The following SLC38A4 variants were observed in gnomAD, a reference collection of about 807,000 sequenced individuals.
SLC38A4 encodes sodium-coupled neutral amino acid transporter 4.
SLC38A4 carries 20 observed loss-of-function variants against 63.1 expected under a neutral mutation model. The observed-to-expected ratio is 0.32, with a 90% CI of 0.22 to 0.46. SLC38A4 has a LOEUF of 0.46. Ranked by LOEUF, SLC38A4 falls within the 20% of genes least tolerant of loss-of-function variation. The probability of loss-of-function intolerance (pLI) is 1.00; values close to 1 mark genes in which losing one functional copy is unlikely to be tolerated. For synonymous variants in SLC38A4, 230 were observed against 225.5 expected (o/e 1.02, Z -0.18); for missense variants, 526 against 663.6 (o/e 0.79, Z 2.28).
intron 1 of SLC38A4, among the ~76,000 whole-genome samples, chr12:46,810,034 C>T (rs990473772): frequency 3.9e-5 from 6 of 151,974 alleles, no homozygotes; most frequent in African/African-American, 1.4e-4. Flanking sequence ...CAGCAAGAGA[C>T]ATTCTAATAA....
At chr12:46,822,318 A>G (rs555915618) in intron 1 of SLC38A4, among the ~76,000 whole-genome samples, 25 of 152,278 alleles carry the variant, frequency 1.6e-4, no homozygotes, top group African/African-American at 6.0e-4. Context: ...ACATATTTTT[A>G]TGAGACCTAA....
At chr12:46,769,450 G>T (rs528209614) in intron 14 of SLC38A4, 22 bp from the exon 15 acceptor site, 1 of 1,603,984 alleles carries the variant, frequency 6.2e-7, no homozygotes, top group East Asian at 2.2e-5. Context: ...AAGTTCAAAG[G>T]CAAGATCATT....
chr12:46,781,342 GA>G (rs1436194356), intron 7 of SLC38A4, among the ~76,000 whole-genome samples: 2 of 152,026 alleles, frequency 1.3e-5, no homozygotes, highest in Non-Finnish European at 2.9e-5. Flanking sequence ...TCTTTGCAAA[GA>G]CCTTGGCTAA....
At chr12:46,785,008 A>G (rs1938728784) in intron 6 of SLC38A4, 96 bp downstream of exon 6, 5 of 1,048,718 alleles carry the variant, frequency 4.8e-6, no homozygotes, top group Non-Finnish European at 4.4e-6. Context: ...GAAATGTGAA[A>G]CTGACTATAA....
chr12:46,795,696 CTTTGTTAATTG>C (rs922951309), intron 2 of SLC38A4, among the ~76,000 whole-genome samples: 6 of 152,130 alleles, frequency 3.9e-5, no homozygotes, highest in Non-Finnish European at 8.8e-5. Flanking sequence ...TGCCTTCAAA[CTTTGTTAATTG>C]TTTGAATTCT....
Position 46,769,303 on chromosome 12 carries a change from T to G in SLC38A4, c.1425A>C (p.Lys475Asn). The G allele has an allele frequency of 6.2e-7, 1 of 1,613,132 alleles. No individual in the cohort carries two copies. The highest frequency in any genetic ancestry group is 8.5e-7 in the Non-Finnish European group (1 of 1,179,364). ...ACTCACCTATGAATCCGAAGATGTA[T>G]TTTATAGTTGGCACAAGGATGACCA... ...NVLVILVPTIKYIFGFIGASS... is the reference protein window; with the variant it reads ...NVLVILVPTINYIFGFIGASS... The change falls in exon 15 of 17, where the codon AAA (lysine) becomes AAC (asparagine). Residue 475 changes from lysine to asparagine, a missense_variant. Lys to Asn is a moderately conservative substitution (Grantham distance 94, BLOSUM62 0). Transcript: ENST00000266579.
chr12:46,790,040 T>C lies in SLC38A4; in HGVS notation c.120-1422A>G, dbSNP rs141530023. Among the ~76,000 whole-genome samples the C allele has an allele frequency of 5.3e-3, 814 of 152,242 alleles. 7 individuals are homozygous for C. Among genetic ancestry groups the C allele is most frequent in the African/African-American group, 0.018 (757 of 41,542 alleles). ...TTGCAGTGAGCCGAGATTGCACCATTGCACTCCAGCATGGGCCACAAGAGT... is the reference window on the plus strand; with the variant it reads ...TTGCAGTGAGCCGAGATTGCACCATCGCACTCCAGCATGGGCCACAAGAGT... On this transcript the variant is annotated intron_variant, in intron 3 of 16. Coordinates refer to ENST00000266579, the MANE Select transcript of SLC38A4 (RefSeq NM_018018.5).
At chr12:46,807,471 C>A (rs920304703) in intron 1 of SLC38A4, among the ~76,000 whole-genome samples, 1 of 152,000 alleles carries the variant, frequency 6.6e-6, no homozygotes, top group East Asian at 1.9e-4. Context: ...AGCAGGACTG[C>A]AGAAAGAAAC....
At position 46,778,620 on chromosome 12, in the gene SLC38A4, G is replaced by A. The variant is rs369265177; in HGVS notation, c.874C>T (p.Arg292Cys). The A allele has an allele frequency of 4.5e-5, 73 of 1,612,952 alleles. No individual in the cohort carries two copies. Among genetic ancestry groups the A allele is most frequent in the Admixed American group, 8.4e-5 (5 of 59,844 alleles). Residue 292 changes from arginine to cysteine, a missense_variant, in exon 11 of 17, where the codon CGC becomes TGC. Arg to Cys is a radical substitution (Grantham distance 180, BLOSUM62 -3). Coordinates refer to ENST00000266579, the MANE Select transcript of SLC38A4 (RefSeq NM_018018.5). ...DVNFMMDYTH[R>C]NPAGLDENQA... ...TTCTCATCCAGCCCTGCAGGATTGC[G>A]GTGGGTGTAATCCATCATGAAGTTC... is the stretch of plus-strand genomic sequence containing the variant.
chr12:46,798,677 C>T (rs1481646301), intron 2 of SLC38A4, among the ~76,000 whole-genome samples: 1 of 152,060 alleles, frequency 6.6e-6, no homozygotes, highest in African/African-American at 2.4e-5. Flanking sequence ...CATGCTAATC[C>T]CAGAATTTTT....
upstream of SLC38A4, among the ~76,000 whole-genome samples, chr12:46,828,402 A>G (rs374174373): frequency 2.7e-4 from 41 of 152,070 alleles, no homozygotes; most frequent in African/African-American, 9.9e-4. Flanking sequence ...GCTCACTGCA[A>G]CCTCTGCCTC....
chr12:46,775,171 C>T lies in SLC38A4; in HGVS notation c.1177G>A (p.Glu393Lys). The change falls in exon 14 of 17, where the codon GAA (glutamate) becomes AAA (lysine). Residue 393 changes from glutamate to lysine, a missense_variant and splice_region_variant. Coordinates refer to ENST00000266579, the MANE Select transcript of SLC38A4 (RefSeq NM_018018.5). ...GCATGAAGTAATTCATCTTCAACTT[C>T]TCCTACAACAGGAAAAAGAGAATGA... ...ALFGYLTFYGEVEDELLHAYS... is the reference protein window; with the variant it reads ...ALFGYLTFYGKVEDELLHAYS... 1 of 1,611,114 alleles carries T rather than the reference C, an allele frequency of 6.2e-7. No homozygotes were observed. The highest frequency in any genetic ancestry group is 1.1e-5 in the South Asian group (1 of 90,654).
chr12:46,793,742 A>G (rs1938942569), intron 2 of SLC38A4, among the ~76,000 whole-genome samples: 1 of 152,182 alleles, frequency 6.6e-6, no homozygotes, highest in Non-Finnish European at 1.5e-5. Flanking sequence ...TGGATCCTGA[A>G]GCCAAAGTTA....
At chr12:46,800,645 G>A (rs1234967931) in intron 2 of SLC38A4, among the ~76,000 whole-genome samples, 4 of 151,902 alleles carry the variant, frequency 2.6e-5, no homozygotes, top group South Asian at 2.1e-4. Flanking sequence ...CCTCTCCTGC[G>A]TAGTATTTAT....
chr12:46,817,701 G>C (rs1939468759), intron 1 of SLC38A4, among the ~76,000 whole-genome samples: 1 of 151,688 alleles, frequency 6.6e-6, no homozygotes, highest in African/African-American at 2.4e-5. Context: ...TTCTATCAGT[G>C]AGCCCCTGGG....
chr12:46,829,879 T>C (rs1364064868), upstream of SLC38A4, among the ~76,000 whole-genome samples: 2 of 152,260 alleles, frequency 1.3e-5, no homozygotes, highest in African/African-American at 4.8e-5. Context: ...TCACACTGTG[T>C]ATCTCCATTT....
At chr12:46,779,096 T>A (rs2120776000) in intron 10 of SLC38A4, among the ~76,000 whole-genome samples, 1 of 152,128 alleles carries the variant, frequency 6.6e-6, no homozygotes, top group South Asian at 2.1e-4. Flanking sequence ...TTCAAAACTT[T>A]TTTTCCTTCT....
chr12:46,817,001 G>A (rs758042630), intron 1 of SLC38A4, among the ~76,000 whole-genome samples: 8 of 151,688 alleles, frequency 5.3e-5, no homozygotes, highest in Non-Finnish European at 1.0e-4. Flanking sequence ...AAAAGTCCAT[G>A]ACCGGAAAAT....
intron 1 of SLC38A4, among the ~76,000 whole-genome samples, chr12:46,821,074 T>C (rs920586199): frequency 1.3e-5 from 2 of 152,118 alleles, no homozygotes; most frequent in African/African-American, 4.8e-5. Context: ...TTTCATCAGA[T>C]ACATGGTTTG....
Sources: gnomAD v4.1 joint callset for allele counts (sites outside exome capture counted in the v4.1 genomes callset) on GRCh38, gnomAD v4.1.1 for gene constraint, MANE v1.5 for transcripts, NCBI Gene and HGNC (gene_info 2026-07-23, HGNC 2026-07-21) for gene names.